RAB30: variants seen among roughly 807,000 people sequenced by gnomAD.
The protein encoded by RAB30 is RAB30, member RAS oncogene family.
RAB30 carries 9 observed loss-of-function variants against 25.1 expected under a neutral mutation model. That is an observed-to-expected ratio of 0.36 (90% confidence interval 0.22 to 0.63). The LOEUF (loss-of-function observed/expected upper bound fraction) is 0.63, where lower values mean the gene tolerates loss of function less well. Among genes scored for constraint, RAB30 ranks in the 20% least tolerant of loss-of-function variants. RAB30 has a pLI of 0.69. For synonymous variants in RAB30, 77 were observed against 86.4 expected (o/e 0.89, Z 0.60); for missense variants, 140 against 243.5 (o/e 0.58, Z 2.83).
rs1417824345 is a variant in RAB30 at position 82,976,287 on chromosome 11, GCTAA to G, written c.*5874_*5877del. On this transcript the variant is annotated 3_prime_UTR_variant, in exon 5 of 5. Transcript: ENST00000527633. ...AGTGAAAAAGAACTAATATTTGAGT[GCTAA>G]CTGTTTACCAAGCACTGTACTTTCA... is the stretch of plus-strand genomic sequence containing the variant. The G allele has an allele frequency of 3.3e-5, 5 of 152,176 alleles. No homozygotes were observed. Among genetic ancestry groups the G allele is most frequent in the East Asian group, 1.9e-4 (1 of 5,204 alleles). 9.4% of individuals were successfully genotyped at this position (152,176 alleles called of 1,614,324 possible).
intron 1 of RAB30, among the ~76,000 whole-genome samples, chr11:83,025,589 G>A (rs1857691776): frequency 6.6e-6 from 1 of 152,200 alleles, no homozygotes; most frequent in Admixed American, 6.5e-5. Context: ...GAGTTAACAT[G>A]TTTACTGGGA....
In RAB30 at chr11:82,978,333, A is replaced by G. The variant is rs1021175604; in HGVS notation, c.*3832T>C. On this transcript the variant is annotated 3_prime_UTR_variant, in exon 5 of 5. Transcript: ENST00000527633. ...ATACAGAGTTCTACAAGATTAAGAA[A>G]TAAAAAAGACATTAGATTTTTGCCC... 1 of 152,194 alleles carries G rather than the reference A, an allele frequency of 6.6e-6. No individual in the cohort carries two copies. The highest frequency in any genetic ancestry group is 2.4e-5 in the African/African-American group (1 of 41,446). The allele number at this position is 152,194 out of a possible 1,614,324, so 9.4% of individuals were successfully genotyped here. A position where few individuals can be genotyped will look rare whatever the true frequency, so the allele number is the denominator to read the frequency against.
chr11:82,991,081 G>A (rs1244267317), intron 3 of RAB30, among the ~76,000 whole-genome samples: 18 of 152,154 alleles, frequency 1.2e-4, no homozygotes, highest in Admixed American at 1.2e-3. Context: ...CACCAAGCGG[G>A]TGATGCCATA....
Position 83,061,833 on chromosome 11 carries a change from A to T in RAB30, c.-9+9858T>A, listed in dbSNP as rs75556058. Among the ~76,000 whole-genome samples, 447 of 150,274 alleles carry T rather than the reference A, an allele frequency of 3.0e-3. 2 individuals are homozygous for T. The highest frequency in any genetic ancestry group is 0.01 in the African/African-American group (423 of 40,908). On this transcript the variant is annotated intron_variant, in intron 1 of 4. Transcript: ENST00000527633. ...AGCTGGGACTACCAGTGTGCACCAC[A>T]GTGCCTGGCTTCACTGTACTATTTT...
intron 1 of RAB30, among the ~76,000 whole-genome samples, chr11:83,004,575 C>T (rs569789155): frequency 4.5e-4 from 68 of 152,270 alleles, no homozygotes; most frequent in African/African-American, 1.4e-3. Context: ...TTCAAGAAGG[C>T]ATCATAGGGG....
chr11:82,981,777 C>T lies in RAB30; in HGVS notation c.*388G>A, dbSNP rs1031365571. 3 of 170,290 alleles carry T rather than the reference C, an allele frequency of 1.8e-5. No individual in the cohort carries two copies. The highest frequency in any genetic ancestry group is 3.8e-5 in the Non-Finnish European group (3 of 78,852). The allele number at this position is 170,290 out of a possible 1,614,324, so 10.5% of individuals were successfully genotyped here. On this transcript the variant is annotated 3_prime_UTR_variant, in exon 5 of 5. Transcript: ENST00000527633. ...GAAAACCAGGGCCCCCAGATGATTA[C>T]CACCGAAGCCCTAAAGAAGAGTTCC...
At chr11:83,006,526 C>G (rs1351122226) in intron 1 of RAB30, among the ~76,000 whole-genome samples, 1 of 152,158 alleles carries the variant, frequency 6.6e-6, no homozygotes, top group Non-Finnish European at 1.5e-5. Flanking sequence ...AAACTGGCAA[C>G]AGTAGTTGCC....
chr11:83,014,678 G>GAAAGAAAGAAAGAAAGAA (rs1565277180), intron 1 of RAB30, among the ~76,000 whole-genome samples: 2 of 141,914 alleles, frequency 1.4e-5, no homozygotes, highest in Non-Finnish European at 3.0e-5. Flanking sequence ...AAGAAAGAAA[G>GAAAGAAAGAAAGAAAGAA]AAAGAAAGAA....
intron 1 of RAB30, among the ~76,000 whole-genome samples, chr11:83,042,809 T>C (rs1347021443): frequency 2.6e-5 from 4 of 152,214 alleles, no homozygotes; most frequent in African/African-American, 7.2e-5. Flanking sequence ...TTGTGAGATA[T>C]TGTTAAGAAA....
intron 1 of RAB30, among the ~76,000 whole-genome samples, chr11:83,039,830 C>A (rs532186738): frequency 1.3e-5 from 2 of 152,156 alleles, no homozygotes; most frequent in East Asian, 3.9e-4. Flanking sequence ...AAAAAATGGC[C>A]GACTTAATAA....
intron 1 of RAB30, among the ~76,000 whole-genome samples, chr11:83,020,877 C>A (rs1396098701): frequency 6.6e-6 from 1 of 152,040 alleles, no homozygotes; most frequent in Non-Finnish European, 1.5e-5. Flanking sequence ...CTGAGAGCTG[C>A]AGACAATGGG....
intron 1 of RAB30, among the ~76,000 whole-genome samples, chr11:83,009,252 G>A (rs542395915): frequency 2.6e-5 from 4 of 152,068 alleles, no homozygotes; most frequent in Non-Finnish European, 5.9e-5. Flanking sequence ...TTTTAGTAGA[G>A]ACTGGGTTTC....
intron 4 of RAB30, among the ~76,000 whole-genome samples, chr11:82,985,683 C>T (rs1043717980): frequency 6.7e-6 from 1 of 148,418 alleles, no homozygotes; most frequent in Non-Finnish European, 1.5e-5. Flanking sequence ...AAAGATGTAG[C>T]TGTCAATTAC....
intron 1 of RAB30, among the ~76,000 whole-genome samples, chr11:83,054,188 T>C (rs1351015263): frequency 1.3e-5 from 2 of 152,206 alleles, no homozygotes; most frequent in Admixed American, 6.5e-5. Flanking sequence ...TCATTTCCTC[T>C]TAACATCCTC....
In RAB30 at chr11:82,979,227, T is replaced by C. The variant is rs1180331334; in HGVS notation, c.*2938A>G. On this transcript the variant is annotated 3_prime_UTR_variant, in exon 5 of 5. Transcript: ENST00000527633. ...ATAGATTTTCCCAAGCCTGACTCCA[T>C]GACATGAGTATCATGCATTTTCACT... is the stretch of plus-strand genomic sequence containing the variant. 1.3e-5 allele frequency: 2 copies of C among 152,172 alleles called. No homozygotes were observed. Among genetic ancestry groups the C allele is most frequent in the African/African-American group, 2.4e-5 (1 of 41,446 alleles). 9.4% of individuals were successfully genotyped at this position (152,172 alleles called of 1,614,324 possible).
intron 1 of RAB30, among the ~76,000 whole-genome samples, chr11:83,001,351 AT>A (rs1857080993): frequency 2.0e-5 from 3 of 151,734 alleles, no homozygotes; most frequent in African/African-American, 7.3e-5. Context: ...AATTTTTTAA[AT>A]TTTTTTTGTA....
At chr11:83,052,188 C>T (rs996171937) in intron 1 of RAB30, among the ~76,000 whole-genome samples, 1 of 152,196 alleles carries the variant, frequency 6.6e-6, no homozygotes, top group Admixed American at 6.5e-5. Flanking sequence ...ATCTGTAAAA[C>T]ACGCTACAGG....
At position 82,979,146 on chromosome 11, in the gene RAB30, G is replaced by T. The variant is rs1856597383; in HGVS notation, c.*3019C>A. The T allele has an allele frequency of 1.3e-5, 2 of 152,298 alleles. No homozygotes were observed. Among genetic ancestry groups the T allele is most frequent in the South Asian group, 4.1e-4 (2 of 4,828 alleles). The allele number at this position is 152,298 out of a possible 1,614,324, so 9.4% of individuals were successfully genotyped here. ...GGCAAAGAAGCACAAAATCCTTTGA[G>T]GATGTAGTCTATACAAAGCCATAAG... On this transcript the variant is annotated 3_prime_UTR_variant, in exon 5 of 5. Transcript: ENST00000527633.
At chr11:83,052,191 G>A (rs1239837111) in intron 1 of RAB30, among the ~76,000 whole-genome samples, 1 of 152,130 alleles carries the variant, frequency 6.6e-6, no homozygotes, top group African/African-American at 2.4e-5. Flanking sequence ...TGTAAAACAC[G>A]CTACAGGCTT....
Sources: allele counts gnomAD v4.1 joint callset (sites outside exome capture counted in the v4.1 genomes callset), GRCh38; gene constraint gnomAD v4.1.1; transcripts MANE v1.5; gene names NCBI Gene and HGNC (gene_info 2026-07-23, HGNC 2026-07-21).